Variants in ALDH1A1 observed in about 807,000 individuals in gnomAD.
ALDH1A1 encodes the protein aldehyde dehydrogenase 1 family member A1.
A neutral mutation model predicts 62.1 loss-of-function variants in ALDH1A1; 19 were observed. The observed-to-expected ratio is 0.31, with a 90% CI of 0.21 to 0.45. ALDH1A1 has a LOEUF of 0.45. ALDH1A1 is among the 20% of genes least tolerant of loss of function. The probability of loss-of-function intolerance (pLI) is 1.00; values close to 1 mark genes in which losing one functional copy is unlikely to be tolerated. For missense variants in ALDH1A1, 521 were observed against 607.1 expected (o/e 0.86, Z 1.49); for synonymous variants, 231 against 215.9 (o/e 1.07, Z -0.61).
chr9:72,947,405 G>C (rs1357074765), intron 1 of ALDH1A1, among the ~76,000 whole-genome samples: 1 of 151,874 alleles, frequency 6.6e-6, no homozygotes, highest in Non-Finnish European at 1.5e-5. Context: ...CCTTGCTGCT[G>C]GTCAACAGAC....
At chr9:72,924,986 G>A (rs1205328920) in intron 6 of ALDH1A1, among the ~76,000 whole-genome samples, 1 of 152,120 alleles carries the variant, frequency 6.6e-6, no homozygotes, top group East Asian at 1.9e-4. Context: ...ACTCATAATA[G>A]AAAACTGAAT....
chr9:72,929,528 C>T (rs1830253994), intron 3 of ALDH1A1, among the ~76,000 whole-genome samples: 1 of 152,182 alleles, frequency 6.6e-6, no homozygotes, highest in Non-Finnish European at 1.5e-5. Flanking sequence ...CATGAATTTC[C>T]TTCAGCAGAA....
At chr9:72,951,008 C>T (rs1201891641) in intron 1 of ALDH1A1, among the ~76,000 whole-genome samples, 2 of 151,782 alleles carry the variant, frequency 1.3e-5, no homozygotes, top group Non-Finnish European at 2.9e-5. Context: ...AGTGTGAAAA[C>T]GCTGTAACCA....
chr9:72,913,430 G>C (rs1296658989), intron 9 of ALDH1A1, among the ~76,000 whole-genome samples: 1 of 152,078 alleles, frequency 6.6e-6, no homozygotes, highest in African/African-American at 2.4e-5. Flanking sequence ...CTAAGGGGTG[G>C]GGTGAGATAA....
chr9:72,901,095 T>C lies in ALDH1A1; in HGVS notation c.*113A>G, dbSNP rs1829797225. On this transcript the variant is annotated 3_prime_UTR_variant, in exon 13 of 13. Coordinates refer to ENST00000297785, the MANE Select transcript of ALDH1A1 (RefSeq NM_000689.5). ...AGTATTAATACTAATATGATTTAGC[T>C]TATGTTTAAAAAAATCAAGAAAAGA... 3.0e-6 allele frequency: 2 copies of C among 676,118 alleles called. No individual in the cohort carries two copies. The highest frequency in any genetic ancestry group is 3.2e-4 in the Middle Eastern group (1 of 3,156). The allele number at this position is 676,118 out of a possible 1,614,324, so 41.9% of individuals were successfully genotyped here.
At chr9:72,942,033 T>G (rs1830421018) in intron 1 of ALDH1A1, among the ~76,000 whole-genome samples, 1 of 152,022 alleles carries the variant, frequency 6.6e-6, no homozygotes, top group African/African-American at 2.4e-5. Flanking sequence ...AGAAACAAGA[T>G]TAACTGAATA....
At chr9:72,928,139 A>G (rs565093639) in intron 4 of ALDH1A1, among the ~76,000 whole-genome samples, 5 of 147,808 alleles carry the variant, frequency 3.4e-5, no homozygotes, top group South Asian at 2.2e-4. Context: ...GCATGCTCCA[A>G]TTGGATTGGA....
chr9:72,946,258 G>T (rs1830472327), intron 1 of ALDH1A1, among the ~76,000 whole-genome samples: 1 of 151,966 alleles, frequency 6.6e-6, no homozygotes, highest in Non-Finnish European at 1.5e-5. Context: ...GCATAATTCA[G>T]TAGTTATTTG....
intron 3 of ALDH1A1, among the ~76,000 whole-genome samples, chr9:72,930,508 A>T (rs1450802738): frequency 6.6e-6 from 1 of 152,160 alleles, no homozygotes; most frequent in Non-Finnish European, 1.5e-5. Flanking sequence ...CCATCAAAAG[A>T]GCTCAGTGGT....
intron 3 of ALDH1A1, among the ~76,000 whole-genome samples, chr9:72,929,917 T>C (rs1830259219): frequency 6.6e-6 from 1 of 152,252 alleles, no homozygotes; most frequent in Non-Finnish European, 1.5e-5. Flanking sequence ...GCTTTCTTCC[T>C]ACAGGTCATT....
chr9:72,941,433 T>C (rs1478990422), intron 1 of ALDH1A1, among the ~76,000 whole-genome samples: 1 of 152,168 alleles, frequency 6.6e-6, no homozygotes, highest in African/African-American at 2.4e-5. Flanking sequence ...TGAATATAAT[T>C]CATTCTATAT....
chr9:72,930,924 T>A lies in ALDH1A1; in HGVS notation c.267A>T (p.Leu89Phe), dbSNP rs1196176084. ...TMDASERGRL[L>F]YKLADLIERD... ...TTTCGATTAAATCAGCCAACTTGTA[T>A]AATAGTCGCCCCCTCTCGGAAGCAT... is the stretch of plus-strand genomic sequence containing the variant. Residue 89 changes from leucine to phenylalanine, a missense_variant, in exon 3 of 13, where the codon TTA becomes TTT. By Grantham distance (22) the Leu-to-Phe change is conservative (BLOSUM62 0). Coordinates refer to ENST00000297785, the MANE Select transcript of ALDH1A1 (RefSeq NM_000689.5). 6.2e-7 allele frequency: 1 copy of A among 1,614,052 alleles called. No homozygotes were observed. Among genetic ancestry groups the A allele is most frequent in the South Asian group, 1.1e-5 (1 of 91,068 alleles).
intron 11 of ALDH1A1, among the ~76,000 whole-genome samples, chr9:72,908,587 GAAAGAAAGAAAGAAAGAAAGAA>G: frequency 7.3e-6 from 1 of 136,658 alleles, no homozygotes; most frequent in South Asian, 2.5e-4. Context: ...AAGAAAGAAA[GAAAGAAAGAAAGAAAGAAAGAA>G]AGAAAGAAAG....
At chr9:72,917,669 AATCT>A in intron 8 of ALDH1A1, among the ~76,000 whole-genome samples, 1 of 152,138 alleles carries the variant, frequency 6.6e-6, no homozygotes, top group South Asian at 2.1e-4. Context: ...ACATTTTCAA[AATCT>A]ATCTAAAGTA....
chr9:72,901,325 A>G, intron 12 of ALDH1A1, 45 bp from the exon 13 acceptor site: 1 of 1,328,152 alleles, frequency 7.5e-7, no homozygotes. Context: ...TTAGCACAGC[A>G]GTATAAATAT....
intron 1 of ALDH1A1, 28 bp downstream of exon 1, chr9:72,952,907 C>T (rs773530426): frequency 6.2e-7 from 1 of 1,609,498 alleles, no homozygotes; most frequent in Non-Finnish European, 8.5e-7. Context: ...AAACCCGAGT[C>T]AAAGCAGAAA....
chr9:72,939,830 A>G (rs1006261777), intron 2 of ALDH1A1, among the ~76,000 whole-genome samples: 19 of 152,078 alleles, frequency 1.2e-4, no homozygotes, highest in Non-Finnish European at 2.5e-4. Flanking sequence ...AGATTTCTCT[A>G]CTTTATAACC....
At chr9:72,943,917 T>C (rs1435191483) in intron 1 of ALDH1A1, among the ~76,000 whole-genome samples, 2 of 151,970 alleles carry the variant, frequency 1.3e-5, no homozygotes, top group East Asian at 1.9e-4. Context: ...AGAATGCTTC[T>C]TTGAAGGATG....
At chr9:72,914,000 CCTT>C (rs1367687256) in intron 9 of ALDH1A1, among the ~76,000 whole-genome samples, 4 of 152,184 alleles carry the variant, frequency 2.6e-5, no homozygotes, top group African/African-American at 9.7e-5. Flanking sequence ...ATAAACTTGA[CCTT>C]CTTTCTGGAC....
Sources: allele counts gnomAD v4.1 joint callset (sites outside exome capture counted in the v4.1 genomes callset), GRCh38; gene constraint gnomAD v4.1.1; transcripts MANE v1.5; gene names NCBI Gene and HGNC (gene_info 2026-07-23, HGNC 2026-07-21).